CHN2: variants seen among roughly 807,000 people sequenced by gnomAD.
The protein encoded by CHN2 is beta-chimaerin.
CHN2 carries 35 observed loss-of-function variants against 56.3 expected under a neutral mutation model. The observed-to-expected ratio is 0.62, with a 90% confidence interval of 0.47 to 0.82. The LOEUF is 0.82. CHN2 is among the 40% of genes least tolerant of loss of function. CHN2 has a pLI of 0.00. For missense variants in CHN2, 491 were observed against 580.5 expected (o/e 0.85, Z 1.58); for synonymous variants, 210 against 212.8 (o/e 0.99, Z 0.12).
intron 1 of CHN2, among the ~76,000 whole-genome samples, chr7:29,297,422 G>C (rs1184259968): frequency 3.3e-5 from 5 of 152,158 alleles, no homozygotes; most frequent in Non-Finnish European, 7.3e-5. Flanking sequence ...TTGGGGAAAC[G>C]GCAGTCAGAG....
At chr7:29,402,127 A>T (rs1387075067) in intron 6 of CHN2, among the ~76,000 whole-genome samples, 1 of 152,142 alleles carries the variant, frequency 6.6e-6, no homozygotes, top group Admixed American at 6.5e-5. Flanking sequence ...GGGCTGATGG[A>T]TTCGGGACTG....
rs1404062644 is a variant in CHN2, at chr7:29,331,786, G to T, written c.50-22839G>T. ...CCTAAGAAATACAATTTGGGGCCAG[G>T]TGTGGTGGCTCACGCCTGTAATCCC... On this transcript the variant is annotated intron_variant, in intron 1 of 12. Transcript: ENST00000222792. 2.0e-5 allele frequency among the ~76,000 whole-genome samples: 3 copies of T among 152,274 alleles called. No homozygotes were observed. In the East Asian group the frequency reaches 5.8e-4, roughly 29 times the overall value.
rs2128866954 is a variant in CHN2 at position 29,288,286 on chromosome 7, T to C, written c.50-66339T>C. Among the ~76,000 whole-genome samples the C allele has an allele frequency of 2.6e-5, 4 of 152,252 alleles. 1 individual carries two copies. In the Middle Eastern group the frequency reaches 0.014, roughly 518 times the overall value. On this transcript the variant is annotated intron_variant, in intron 1 of 12. Coordinates refer to ENST00000222792, the MANE Select transcript of CHN2 (RefSeq NM_004067.4). The stretch of plus-strand genomic sequence containing the variant: ...CCCAGTCTGTAAAACAGGCAGGATG[T>C]GATAGCTGAGGTTCCTTCCTTATTA...
chr7:29,214,208 G>C (rs1785167630), intron 1 of CHN2, among the ~76,000 whole-genome samples: 1 of 152,042 alleles, frequency 6.6e-6, no homozygotes, highest in Non-Finnish European at 1.5e-5. Flanking sequence ...GTAATTATCA[G>C]TAAACACCTA....
At position 29,377,528 on chromosome 7, in the gene CHN2, G is replaced by C. The variant is rs185702698; in HGVS notation, c.144+9541G>C. On this transcript the variant is annotated intron_variant, in intron 3 of 12. Coordinates refer to ENST00000222792, the MANE Select transcript of CHN2 (RefSeq NM_004067.4). The stretch of plus-strand genomic sequence containing the variant: ...ATCGTATGTCAGAAATGCTTTAATT[G>C]CATTTGTTTTCCAAGATGCTAGTTT... Among the ~76,000 whole-genome samples the C allele has an allele frequency of 9.2e-5, 14 of 152,244 alleles. No homozygotes were observed. In the East Asian group the frequency reaches 2.1e-3, roughly 23 times the overall value.
At chr7:29,329,471 G>T (rs1341963838) in intron 1 of CHN2, among the ~76,000 whole-genome samples, 1 of 130,700 alleles carries the variant, frequency 7.7e-6, no homozygotes, top group Non-Finnish European at 1.6e-5. Flanking sequence ...CTCATTTTTT[G>T]ATCACCTATC....
intron 1 of CHN2, among the ~76,000 whole-genome samples, chr7:29,304,587 G>C (rs1793991011): frequency 6.6e-6 from 1 of 152,148 alleles, no homozygotes; most frequent in South Asian, 2.1e-4. Context: ...GGTTTTGCCT[G>C]GGTACCCAAT....
At chr7:29,447,493 TGAGA>T (rs1784112951) in intron 6 of CHN2, among the ~76,000 whole-genome samples, 1 of 152,072 alleles carries the variant, frequency 6.6e-6, no homozygotes, top group Non-Finnish European at 1.5e-5. Flanking sequence ...CCCACACAGA[TGAGA>T]GAGAAAGGGA....
At chr7:29,303,385 T>A (rs2128879656) in intron 1 of CHN2, among the ~76,000 whole-genome samples, 1 of 152,320 alleles carries the variant, frequency 6.6e-6, no homozygotes, top group Middle Eastern at 3.4e-3. Flanking sequence ...CTGGGTTGTC[T>A]CAGTCATTGG....
At chr7:29,376,162 T>G (rs1800062740) in intron 3 of CHN2, among the ~76,000 whole-genome samples, 2 of 152,210 alleles carry the variant, frequency 1.3e-5, no homozygotes. Flanking sequence ...AATTTTAATA[T>G]GACTATGCTG....
At chr7:29,215,789 C>A (rs569800047) in intron 1 of CHN2, among the ~76,000 whole-genome samples, 6 of 151,832 alleles carry the variant, frequency 4.0e-5, no homozygotes, top group African/African-American at 1.5e-4. Flanking sequence ...AGAAAATGTT[C>A]CAAGGACCAT....
intron 6 of CHN2, among the ~76,000 whole-genome samples, chr7:29,454,046 C>T (rs551658997): frequency 5.8e-4 from 89 of 152,290 alleles, no homozygotes; most frequent in African/African-American, 2.0e-3. Context: ...GACTCCACAG[C>T]AGTAGACAAA....
intron 1 of CHN2, among the ~76,000 whole-genome samples, chr7:29,197,359 A>T (rs899492553): frequency 2.0e-5 from 3 of 152,202 alleles, no homozygotes; most frequent in Non-Finnish European, 4.4e-5. Context: ...ATCACCGACC[A>T]GCTGGGTATC....
At chr7:29,177,237 ATTTTGTTTTGTTTTG>A (rs10535682) in intron 2 of CHN2, among the ~76,000 whole-genome samples, 29 of 146,748 alleles carry the variant, frequency 2.0e-4, no homozygotes, top group African/African-American at 5.1e-4. Flanking sequence ...TTTTTGTTTT[ATTTTGTTTTGTTTTG>A]TTTTGTTTTG....
chr7:29,493,555 A>C (rs1451039364), intron 7 of CHN2, among the ~76,000 whole-genome samples: 1 of 152,068 alleles, frequency 6.6e-6, no homozygotes, highest in Middle Eastern at 3.2e-3. Context: ...CCCATCTAAA[A>C]TGGAATTCTT....
At chr7:29,224,884 G>A (rs1584788340) in intron 1 of CHN2, among the ~76,000 whole-genome samples, 2 of 152,120 alleles carry the variant, frequency 1.3e-5, no homozygotes, top group East Asian at 3.9e-4. Flanking sequence ...CTTTACCTTA[G>A]TAGAAAGGAA....
At chr7:29,279,466 G>C (rs1335197340) in intron 1 of CHN2, among the ~76,000 whole-genome samples, 1 of 152,256 alleles carries the variant, frequency 6.6e-6, no homozygotes, top group African/African-American at 2.4e-5. Flanking sequence ...CATTTATGGA[G>C]ACCTGAATTT....
intron 1 of CHN2, among the ~76,000 whole-genome samples, chr7:29,327,015 A>G (rs1795854983): frequency 6.6e-6 from 1 of 152,204 alleles, no homozygotes; most frequent in Admixed American, 6.5e-5. Flanking sequence ...GCAACCTGAT[A>G]TATCTGAGAA....
At chr7:29,203,298 C>A (rs1262078128) in intron 1 of CHN2, among the ~76,000 whole-genome samples, 1 of 151,744 alleles carries the variant, frequency 6.6e-6, no homozygotes, top group South Asian at 2.1e-4. Context: ...GAAACCTGGT[C>A]TCTACTAAAA....
Sources: allele counts gnomAD v4.1 joint callset (sites outside exome capture counted in the v4.1 genomes callset), GRCh38; gene constraint gnomAD v4.1.1; transcripts MANE v1.5; gene names NCBI Gene and HGNC (gene_info 2026-07-23, HGNC 2026-07-21).